Variants in RTN3 observed in about 807,000 individuals in gnomAD.
RTN3 encodes the protein reticulon-3.
In RTN3, 49 loss-of-function variants were observed where a neutral mutation model predicts 77.8. That is an observed-to-expected ratio of 0.63 (90% CI 0.50 to 0.80). The LOEUF (loss-of-function observed/expected upper bound fraction) is 0.80. Ranked by LOEUF, RTN3 falls within the 30% of genes least tolerant of loss-of-function variation. The pLI is 0.00. For synonymous variants in RTN3, 464 were observed against 446.9 expected, an observed-to-expected ratio of 1.04 and a Z score of -0.48; for missense variants, 1,236 against 1,211.9, an observed-to-expected ratio of 1.02 and a Z score of -0.29.
rs571097811 is a variant in RTN3, at chr11:63,691,794, G to GTTAT, written c.142+10018_142+10021dup. Among the ~76,000 whole-genome samples, 212 of 152,226 alleles carry GTTAT rather than the reference G, an allele frequency of 1.4e-3. No individual in the cohort carries two copies. In the Middle Eastern group the frequency reaches 0.024, roughly 17 times the overall value. ...CCCTGGTCCAGGCTAGCTCTCTTGG[G>GTTAT]TTATTGTAGATGCCGCCTATCTGGT... On this transcript the variant is annotated intron_variant, in intron 1 of 8. Coordinates refer to ENST00000377819, the MANE Select transcript of RTN3 (RefSeq NM_001265589.2).
At chr11:63,741,327 T>A (rs922311671) in intron 3 of RTN3, among the ~76,000 whole-genome samples, 3 of 144,676 alleles carry the variant, frequency 2.1e-5, no homozygotes, top group Non-Finnish European at 4.5e-5. Context: ...CTCAGCCTCC[T>A]GAGTAGCTGG....
chr11:63,709,313 A>G (rs910354855), intron 2 of RTN3, among the ~76,000 whole-genome samples: 1 of 152,210 alleles, frequency 6.6e-6, no homozygotes, highest in African/African-American at 2.4e-5. Flanking sequence ...CAACAAAATC[A>G]AAATCAAACT....
chr11:63,734,273 C>T (rs2012913621), intron 3 of RTN3, among the ~76,000 whole-genome samples: 1 of 151,652 alleles, frequency 6.6e-6, no homozygotes, highest in Admixed American at 6.6e-5. Context: ...ATGGTGAAAC[C>T]CCCATCTCTA....
rs1311136288 is a variant in RTN3 at position 63,719,293 on chromosome 11, C to A, written c.791C>A (p.Ser264Ter). Reference protein sequence around the residue: ...KAAFDKEFKDSYKESTDDFGS... With the variant: ...KAAFDKEFKD Reference sequence around the variant, plus strand: ...GCATTTGACAAAGAATTTAAAGACTCATATAAGGAGAGCACAGATGATTTT... The same window carrying A: ...GCATTTGACAAAGAATTTAAAGACTAATATAAGGAGAGCACAGATGATTTT... Residue 264 changes from serine to a stop codon, truncating the protein, a stop_gained, in exon 3 of 9, where the codon TCA becomes TAA. Coordinates refer to ENST00000377819, the MANE Select transcript of RTN3 (RefSeq NM_001265589.2). LOFTEE classifies it high-confidence loss of function. The A allele has an allele frequency of 1.2e-6, 2 of 1,614,118 alleles. No homozygotes were observed. The highest frequency in any genetic ancestry group is 1.7e-6 in the Non-Finnish European group (2 of 1,180,022).
chr11:63,706,108 A>T (rs1189485218), intron 2 of RTN3, among the ~76,000 whole-genome samples: 4 of 152,202 alleles, frequency 2.6e-5, no homozygotes, highest in South Asian at 2.1e-4. Context: ...AATGGGATTT[A>T]AAAAAATTAG....
chr11:63,711,866 A>C (rs909599046), intron 2 of RTN3, among the ~76,000 whole-genome samples: 1 of 151,904 alleles, frequency 6.6e-6, no homozygotes, highest in Non-Finnish European at 1.5e-5. Flanking sequence ...GCTGGGCCCT[A>C]CAATTTTTTA....
At chr11:63,717,249 T>TA (rs1306209449) in intron 2 of RTN3, among the ~76,000 whole-genome samples, 18 of 152,078 alleles carry the variant, frequency 1.2e-4, no homozygotes, top group Non-Finnish European at 2.4e-4. Flanking sequence ...AAAAATTTGT[T>TA]AGAGTGGGAA....
chr11:63,692,286 G>C (rs570810925), intron 1 of RTN3, among the ~76,000 whole-genome samples: 1 of 152,114 alleles, frequency 6.6e-6, no homozygotes, highest in Admixed American at 6.5e-5. Context: ...GCCTCCAAAA[G>C]TGCTGGGATT....
intron 1 of RTN3, among the ~76,000 whole-genome samples, chr11:63,704,121 G>A (rs753672868): frequency 1.3e-5 from 2 of 151,916 alleles, no homozygotes; most frequent in Non-Finnish European, 2.9e-5. Flanking sequence ...TCCTGCCTCA[G>A]CTTCTTGAGT....
chr11:63,747,178 T>A (rs562748909), intron 3 of RTN3, among the ~76,000 whole-genome samples: 5 of 152,332 alleles, frequency 3.3e-5, no homozygotes, highest in Admixed American at 6.5e-5. Flanking sequence ...AGAAGTGATG[T>A]TGTGTCTTTC....
intron 3 of RTN3, among the ~76,000 whole-genome samples, chr11:63,740,642 G>C (rs935613861): frequency 6.0e-5 from 9 of 151,156 alleles, no homozygotes; most frequent in African/African-American, 2.2e-4. Flanking sequence ...TGTTGCCCAG[G>C]CTGGTTTCAA....
chr11:63,696,541 CTATTTTTT>C (rs1941948482), intron 1 of RTN3, among the ~76,000 whole-genome samples: 1 of 100,172 alleles, frequency 1.0e-5, no homozygotes, highest in Non-Finnish European at 2.0e-5. Context: ...GGCCCTGTCA[CTATTTTTT>C]TTTTTTTTTT....
At chr11:63,713,383 C>G (rs1168039394) in intron 2 of RTN3, among the ~76,000 whole-genome samples, 1 of 152,150 alleles carries the variant, frequency 6.6e-6, no homozygotes, top group Non-Finnish European at 1.5e-5. Flanking sequence ...GTGCATGGCT[C>G]ACTGCAGCCT....
chr11:63,695,768 G>A (rs1941906225), intron 1 of RTN3, among the ~76,000 whole-genome samples: 1 of 152,156 alleles, frequency 6.6e-6, no homozygotes, highest in African/African-American at 2.4e-5. Flanking sequence ...AGTCTGAGAA[G>A]CTGACAGTCC....
chr11:63,759,579 T>C lies in RTN3; in HGVS notation c.*1378T>C, dbSNP rs2014562931. ...GGAAGTGCATTCTCCATCCTCATCC[T>C]CTGCCCTCCCAGGAAGTCAGTGATT... On this transcript the variant is annotated 3_prime_UTR_variant, in exon 9 of 9. Coordinates refer to ENST00000377819, the MANE Select transcript of RTN3 (RefSeq NM_001265589.2). The C allele has an allele frequency of 6.6e-6, 1 of 152,650 alleles. No individual in the cohort carries two copies. The highest frequency in any genetic ancestry group is 1.5e-5 in the Non-Finnish European group (1 of 68,030). The allele number at this position is 152,650 out of a possible 1,614,324, so 9.5% of individuals were successfully genotyped here. A position where few individuals can be genotyped will look rare whatever the true frequency, so the allele number is the denominator to read the frequency against.
chr11:63,719,174 T>A lies in RTN3; in HGVS notation c.672T>A (p.Tyr224Ter). ...AGTACTCTAAGGTAGAAGGCATTTA[T>A]ACATATTCTTTGTCTCCATCCAAAG... ...PTEYSKVEGI[Y>*]TYSLSPSKVS... is the part of the protein sequence containing the mutation. Residue 224 changes from tyrosine (Y) to a stop codon, truncating the protein, a stop_gained, in exon 3 of 9, where the codon TAT becomes TAA. Transcript: ENST00000377819. LOFTEE classifies it high-confidence loss of function. 6.2e-7 allele frequency: 1 copy of A among 1,614,212 alleles called. No individual in the cohort carries two copies. The highest frequency in any genetic ancestry group is 1.3e-5 in the African/African-American group (1 of 75,044).
chr11:63,731,189 T>C (rs940463174), intron 3 of RTN3, among the ~76,000 whole-genome samples: 1 of 152,086 alleles, frequency 6.6e-6, no homozygotes, highest in Non-Finnish European at 1.5e-5. Flanking sequence ...CAAATGATTA[T>C]TGTGCCTCAA....
At position 63,703,665 on chromosome 11, in the gene RTN3, C is replaced by T. The variant is rs371023068; in HGVS notation, c.143-1186C>T. On this transcript the variant is annotated intron_variant, in intron 1 of 8. Coordinates refer to ENST00000377819, the MANE Select transcript of RTN3 (RefSeq NM_001265589.2). ...TCACGCCATTCTCCTGCCTCAGCCTCCCGAGTAGCTGGGACTACAGGCGCC... is the reference window on the plus strand; with the variant it reads ...TCACGCCATTCTCCTGCCTCAGCCTTCCGAGTAGCTGGGACTACAGGCGCC... 3.8e-4 allele frequency among the ~76,000 whole-genome samples: 58 copies of T among 151,878 alleles called. 1 individual carries two copies. The South Asian group carries it at 0.011, about 28-fold the overall frequency.
At chr11:63,704,978 C>T (rs760319337) in intron 2 of RTN3, 71 bp downstream of exon 2, 82 of 1,134,164 alleles carry the variant, frequency 7.2e-5, no homozygotes, top group African/African-American at 9.2e-5. Context: ...ACTGGGGATA[C>T]GAGGCACAAG....
Sources: gnomAD v4.1 joint callset for allele counts (sites outside exome capture counted in the v4.1 genomes callset) on GRCh38, gnomAD v4.1.1 for gene constraint, MANE v1.5 for transcripts, NCBI Gene and HGNC (gene_info 2026-07-23, HGNC 2026-07-21) for gene names.